The following UNC13C variants were observed in gnomAD, a reference collection of about 807,000 sequenced individuals.
UNC13C encodes the protein unc-13 homolog C, also known as protein unc-13 homolog C.
Under a neutral mutation model 245.4 loss-of-function variants are expected in UNC13C, and 174 were observed. The ratio of observed to expected loss-of-function variants is 0.71; its 90% confidence interval spans 0.63 to 0.80. UNC13C has a LOEUF of 0.80. UNC13C is among the 30% of genes least tolerant of loss of function. The pLI is 0.00. For synonymous variants in UNC13C, 992 were observed against 895.1 expected (o/e 1.11, Z -1.93); for missense variants, 2,829 against 2,602.9 (o/e 1.09, Z -1.89).
At chr15:54,159,643 T>A (rs2032893597) in intron 4 of UNC13C, among the ~76,000 whole-genome samples, 1 of 152,164 alleles carries the variant, frequency 6.6e-6, no homozygotes, top group Non-Finnish European at 1.5e-5. Flanking sequence ...AAGAAACACT[T>A]GGACATTGGA....
At chr15:54,074,031 A>G (rs1447448945) in intron 2 of UNC13C, among the ~76,000 whole-genome samples, 1 of 152,212 alleles carries the variant, frequency 6.6e-6, no homozygotes, top group Non-Finnish European at 1.5e-5. Flanking sequence ...TTAAGTCTTC[A>G]ATCCATCTTG....
intron 4 of UNC13C, among the ~76,000 whole-genome samples, chr15:54,231,953 TA>T (rs1479349153): frequency 6.6e-6 from 1 of 152,124 alleles, no homozygotes; most frequent in Non-Finnish European, 1.5e-5. Flanking sequence ...TAGTTTGTGT[TA>T]CTTAATCTCT....
intron 4 of UNC13C, among the ~76,000 whole-genome samples, chr15:54,161,616 A>C (rs2032978089): frequency 6.6e-6 from 1 of 151,856 alleles, no homozygotes; most frequent in African/African-American, 2.4e-5. Context: ...GTTTTGTTTT[A>C]TATTAGATAC....
At chr15:54,313,964 A>G (rs759795046) in intron 13 of UNC13C, among the ~76,000 whole-genome samples, 20 of 151,722 alleles carry the variant, frequency 1.3e-4, no homozygotes, top group Non-Finnish European at 2.7e-4. Flanking sequence ...AAAGAATGAA[A>G]TCTTGTCATT....
At chr15:54,086,025 A>T (rs190423195) in intron 2 of UNC13C, among the ~76,000 whole-genome samples, 128 of 152,298 alleles carry the variant, frequency 8.4e-4, no homozygotes, top group African/African-American at 3.0e-3. Context: ...TCAAATTTGG[A>T]TCATCTGGGT....
At chr15:54,377,246 G>A (rs1323013741) in intron 17 of UNC13C, among the ~76,000 whole-genome samples, 1 of 152,136 alleles carries the variant, frequency 6.6e-6, no homozygotes, top group Admixed American at 6.5e-5. Flanking sequence ...ATTGAGAATT[G>A]CATTTCTTAA....
intron 2 of UNC13C, among the ~76,000 whole-genome samples, chr15:54,118,366 ACTT>A (rs2030425287): frequency 6.6e-6 from 1 of 151,146 alleles, no homozygotes; most frequent in Admixed American, 6.6e-5. Context: ...TAGATATTTT[ACTT>A]CTTTGGTTAA....
At chr15:54,380,613 C>G (rs1267745892) in intron 17 of UNC13C, among the ~76,000 whole-genome samples, 1 of 151,050 alleles carries the variant, frequency 6.6e-6, no homozygotes, top group African/African-American at 2.4e-5. Context: ...TATGTCCTAA[C>G]CAACACGTGT....
intron 4 of UNC13C, among the ~76,000 whole-genome samples, chr15:54,153,268 A>G (rs1378391557): frequency 6.6e-6 from 1 of 152,146 alleles, no homozygotes; most frequent in Non-Finnish European, 1.5e-5. Context: ...TAAAATAATT[A>G]AGCAACACTT....
intron 1 of UNC13C, among the ~76,000 whole-genome samples, chr15:53,986,002 A>G (rs1894124837): frequency 6.6e-6 from 1 of 151,990 alleles, no homozygotes; most frequent in African/African-American, 2.4e-5. Context: ...GCTTGATGGC[A>G]TCTAGCTCCC....
chr15:54,125,512 GC>G (rs1369086369), intron 2 of UNC13C, among the ~76,000 whole-genome samples: 6 of 152,080 alleles, frequency 3.9e-5, no homozygotes, highest in African/African-American at 1.4e-4. Context: ...ATTGTGTTAA[GC>G]CTTTATATAA....
the UNC13C span, among the ~76,000 whole-genome samples, chr15:53,848,425 C>A: frequency 1.3e-5 from 2 of 151,980 alleles, no homozygotes; most frequent in Admixed American, 6.6e-5. Flanking sequence ...GTATTTTGGA[C>A]CTTTTCATAG....
chr15:54,004,776 C>A (rs1023084032), intron 1 of UNC13C, among the ~76,000 whole-genome samples: 2 of 152,208 alleles, frequency 1.3e-5, no homozygotes, highest in Admixed American at 6.5e-5. Context: ...AACACCTTTT[C>A]ATATGCCCAT....
In UNC13C at chr15:54,047,787, C is replaced by A. The variant is rs144286906; in HGVS notation, c.2983+31901C>A. 3.8e-3 allele frequency among the ~76,000 whole-genome samples: 577 copies of A among 152,230 alleles called. 9 individuals carry two copies. The highest frequency in any genetic ancestry group is 0.013 in the African/African-American group (553 of 41,566). ...TGTTCTATAAATAAACTTTTCGAGG[C>A]ATTTCACAATTTAGAGGTCAAATAG... On this transcript the variant is annotated intron_variant, in intron 2 of 32. Coordinates refer to ENST00000260323, the MANE Select transcript of UNC13C (RefSeq NM_001080534.3).
At chr15:54,346,712 G>A (rs182718565) in intron 17 of UNC13C, among the ~76,000 whole-genome samples, 99 of 152,306 alleles carry the variant, frequency 6.5e-4, no homozygotes, top group African/African-American at 2.3e-3. Context: ...TATTTTCCTT[G>A]GCTGAATTGC....
chr15:54,130,427 G>C (rs181611694), intron 2 of UNC13C, among the ~76,000 whole-genome samples: 3 of 151,458 alleles, frequency 2.0e-5, no homozygotes, highest in Middle Eastern at 3.4e-3. Flanking sequence ...CGAGTAGCTG[G>C]GACTACAGGC....
chr15:54,319,242 A>G (rs1042731461), intron 13 of UNC13C, among the ~76,000 whole-genome samples: 2 of 151,108 alleles, frequency 1.3e-5, no homozygotes, highest in Non-Finnish European at 3.0e-5. Flanking sequence ...ATTTTCCACA[A>G]CTTTTGACCT....
At chr15:54,043,708 T>C (rs527522324) in intron 2 of UNC13C, among the ~76,000 whole-genome samples, 1 of 152,314 alleles carries the variant, frequency 6.6e-6, no homozygotes, top group South Asian at 2.1e-4. Context: ...GATACCCTAT[T>C]TTGGGATGAT....
intron 1 of UNC13C, among the ~76,000 whole-genome samples, chr15:53,988,346 G>A (rs1041496969): frequency 6.6e-6 from 1 of 151,880 alleles, no homozygotes; most frequent in Non-Finnish European, 1.5e-5. Flanking sequence ...GGGATGATAT[G>A]TATTATTATT....
Sources: gnomAD v4.1 joint callset for allele counts (sites outside exome capture counted in the v4.1 genomes callset) on GRCh38, gnomAD v4.1.1 for gene constraint, MANE v1.5 for transcripts, NCBI Gene and HGNC (gene_info 2026-07-23, HGNC 2026-07-21) for gene names.